WAPL: variants seen among roughly 807,000 people sequenced by gnomAD.
The protein encoded by WAPL is WAPL cohesin release factor.
In WAPL, 5 loss-of-function variants were observed where a neutral mutation model predicts 121.0. The observed-to-expected ratio is 0.04, with a 90% CI of 0.02 to 0.09. The LOEUF (loss-of-function observed/expected upper bound fraction) is 0.09, where lower values mean the gene tolerates loss of function less well. Among genes scored for constraint, WAPL ranks in the 10% least tolerant of loss-of-function variants. The pLI is 1.00. For synonymous variants in WAPL, 480 were observed against 481.5 expected, an observed-to-expected ratio of 1.00 and a Z score of 0.04; for missense variants, 999 against 1,410.8, an observed-to-expected ratio of 0.71 and a Z score of 4.68.
chr10:86,502,978 T>C (rs1842275839), intron 2 of WAPL, among the ~76,000 whole-genome samples: 1 of 151,324 alleles, frequency 6.6e-6, no homozygotes, highest in South Asian at 2.1e-4. Flanking sequence ...GCCAACATGG[T>C]GAAACCCTGT....
chr10:86,454,522 C>T (rs954957133), intron 12 of WAPL, among the ~76,000 whole-genome samples: 1 of 152,232 alleles, frequency 6.6e-6, no homozygotes, highest in African/African-American at 2.4e-5. Context: ...GGACTGCAGG[C>T]GGGCGCCGCC....
chr10:86,484,600 T>C (rs754017578), intron 4 of WAPL, among the ~76,000 whole-genome samples: 3 of 152,242 alleles, frequency 2.0e-5, no homozygotes, highest in Non-Finnish European at 2.9e-5. Context: ...ACAGTCTTTA[T>C]AAAGTCTACA....
intron 4 of WAPL, among the ~76,000 whole-genome samples, chr10:86,489,082 T>G (rs1841984494): frequency 6.6e-6 from 1 of 152,144 alleles, no homozygotes; most frequent in African/African-American, 2.4e-5. Flanking sequence ...AGTCTAATCA[T>G]GAGAAAGTAT....
chr10:86,446,487 T>A, intron 15 of WAPL, 38 bp from the exon 16 acceptor site: 1 of 1,589,942 alleles, frequency 6.3e-7, no homozygotes, highest in Non-Finnish European at 8.6e-7. Context: ...TAAAAAGAGA[T>A]TGCCAATCAA....
intron 4 of WAPL, among the ~76,000 whole-genome samples, chr10:86,482,944 T>C (rs76734485): frequency 0.069 from 10,487 of 152,058 alleles, 676 homozygotes; most frequent in East Asian, 0.38. Context: ...CTTTACAGAG[T>C]TATGTACCAC....
intron 9 of WAPL, among the ~76,000 whole-genome samples, chr10:86,464,092 GCCATA>G (rs1194492689): frequency 6.6e-6 from 1 of 152,262 alleles, no homozygotes; most frequent in East Asian, 1.9e-4. Flanking sequence ...TGGCACATCA[GCCATA>G]CCAATATATT....
At chr10:86,491,080 A>AATAC (rs1225026502) in intron 4 of WAPL, among the ~76,000 whole-genome samples, 7 of 149,704 alleles carry the variant, frequency 4.7e-5, no homozygotes, top group African/African-American at 1.5e-4. Context: ...TAAATAAATA[A>AATAC]ATACATACAT....
chr10:86,518,003 C>T lies in WAPL; in HGVS notation c.67G>A (p.Val23Ile), dbSNP rs770833625. The T allele has an allele frequency of 1.1e-4, 170 of 1,614,058 alleles. No homozygotes were observed. The highest frequency in any genetic ancestry group is 1.3e-4 in the Non-Finnish European group (150 of 1,180,042). The change falls in exon 2 of 19, where the codon GTC (valine) becomes ATC (isoleucine). Residue 23 changes from valine to isoleucine, a missense_variant. Around this residue, in one of 7 missense-constraint regions of WAPL, gnomAD observed 30 missense variants for 56.4 expected, o/e 0.53. Transcript: ENST00000298767. ...GGNGSSKFDE[V>I]FSNKRTTLST... The stretch of plus-strand genomic sequence containing the variant: ...AGGGTAGTCCGTTTGTTGGAAAAGA[C>T]TTCATCGAATTTTGAACTGCCATTT...
intron 18 of WAPL, 88 bp downstream of exon 18, chr10:86,437,832 C>T: frequency 1.8e-6 from 2 of 1,097,568 alleles, no homozygotes; most frequent in Non-Finnish European, 2.7e-6. Flanking sequence ...CCTTTTTGCT[C>T]CCACTTACTA....
At chr10:86,477,482 ATCT>A (rs1589517112) in intron 4 of WAPL, among the ~76,000 whole-genome samples, 1 of 152,174 alleles carries the variant, frequency 6.6e-6, no homozygotes, top group East Asian at 1.9e-4. Context: ...CTTGTCTTTA[ATCT>A]TCTTAATTTT....
At chr10:86,476,687 T>TAA (rs34743479) in intron 4 of WAPL, among the ~76,000 whole-genome samples, 9 of 140,164 alleles carry the variant, frequency 6.4e-5, no homozygotes, top group Admixed American at 7.2e-5. Flanking sequence ...AGACTGTCTT[T>TAA]AAAAAAAAAA....
chr10:86,486,102 T>C (rs1841926282), intron 4 of WAPL, among the ~76,000 whole-genome samples: 1 of 152,164 alleles, frequency 6.6e-6, no homozygotes, highest in Non-Finnish European at 1.5e-5. Flanking sequence ...AGGCTTCATA[T>C]CAATTAATAT....
intron 16 of WAPL, 36 bp downstream of exon 16, chr10:86,446,206 T>A: frequency 6.2e-7 from 1 of 1,605,304 alleles, no homozygotes; most frequent in Non-Finnish European, 8.5e-7. Context: ...CAAACCACTA[T>A]CTTCAATTTA....
At chr10:86,469,573 A>G (rs1200935349) in intron 8 of WAPL, among the ~76,000 whole-genome samples, 1 of 151,884 alleles carries the variant, frequency 6.6e-6, no homozygotes, top group East Asian at 1.9e-4. Flanking sequence ...TACTTACACA[A>G]TCTAAATACT....
At chr10:86,438,096 A>C in intron 17 of WAPL, 81 bp from the exon 18 acceptor site, 1 of 1,068,378 alleles carries the variant, frequency 9.4e-7, no homozygotes, top group Non-Finnish European at 1.4e-6. Context: ...TGGTTTTGAC[A>C]CACATCTTGG....
intron 15 of WAPL, 111 bp downstream of exon 15, chr10:86,451,856 G>A: frequency 3.3e-6 from 4 of 1,205,178 alleles, no homozygotes; most frequent in Admixed American, 2.3e-5. Flanking sequence ...GGGGCAGAGA[G>A]GGCCAGCAGT....
chr10:86,468,702 A>T (rs1179107255), intron 8 of WAPL, among the ~76,000 whole-genome samples: 1 of 151,988 alleles, frequency 6.6e-6, no homozygotes, highest in East Asian at 1.9e-4. Flanking sequence ...GGTGGCTCAC[A>T]CCTGTAATCC....
At chr10:86,437,703 G>T in intron 18 of WAPL, 95 bp from the exon 19 acceptor site, 2 of 1,323,610 alleles carry the variant, frequency 1.5e-6, no homozygotes, top group South Asian at 2.7e-5. Context: ...TTACTAAACT[G>T]AACACTACAA....
chr10:86,464,887 G>A (rs1242865016), intron 9 of WAPL, among the ~76,000 whole-genome samples: 2 of 152,184 alleles, frequency 1.3e-5, no homozygotes, highest in African/African-American at 2.4e-5. Flanking sequence ...GCATACAGAC[G>A]ATGTGATGAC....
Sources: allele counts gnomAD v4.1 joint callset (sites outside exome capture counted in the v4.1 genomes callset), GRCh38; gene constraint gnomAD v4.1.1; regional missense constraint gnomAD v4.1.1; transcripts MANE v1.5; gene names NCBI Gene and HGNC (gene_info 2026-07-23, HGNC 2026-07-21).